CNTN4: variants seen among roughly 807,000 people sequenced by gnomAD.
The protein encoded by CNTN4 is contactin-4.
CNTN4 carries 77 observed loss-of-function variants against 122.5 expected under a neutral mutation model. The observed-to-expected ratio is 0.63, with a 90% CI of 0.52 to 0.76. CNTN4 has a LOEUF of 0.76. Ranked by LOEUF, CNTN4 falls within the 30% of genes least tolerant of loss-of-function variation. CNTN4 has a pLI of 0.00. For synonymous variants in CNTN4, 512 were observed against 447.0 expected, an observed-to-expected ratio of 1.15 and a Z score of -1.83; for missense variants, 1,256 against 1,259.1, an observed-to-expected ratio of 1.00 and a Z score of 0.04.
At chr3:2,508,320 T>C (rs2076791313) in intron 3 of CNTN4, among the ~76,000 whole-genome samples, 1 of 152,218 alleles carries the variant, frequency 6.6e-6, no homozygotes, top group African/African-American at 2.4e-5. Context: ...CACAGTTGTC[T>C]CAGCTTTTGA....
chr3:2,613,248 T>C (rs906247725), intron 4 of CNTN4, among the ~76,000 whole-genome samples: 6 of 152,102 alleles, frequency 3.9e-5, no homozygotes, highest in Non-Finnish European at 8.8e-5. Context: ...CACCTTTTCC[T>C]AAAGTCTCCC....
intron 2 of CNTN4, among the ~76,000 whole-genome samples, chr3:2,311,267 T>C (rs1164550421): frequency 6.6e-6 from 1 of 152,118 alleles, no homozygotes; most frequent in East Asian, 1.9e-4. Flanking sequence ...GAGTTAATGA[T>C]GAATTTTTCC....
At chr3:2,798,628 A>G (rs967039534) in intron 6 of CNTN4, among the ~76,000 whole-genome samples, 2 of 152,014 alleles carry the variant, frequency 1.3e-5, no homozygotes, top group Admixed American at 6.6e-5. Context: ...TCCCACTTCA[A>G]ACTCCCAAGT....
intron 4 of CNTN4, among the ~76,000 whole-genome samples, chr3:2,608,116 A>T (rs1165816476): frequency 1.3e-5 from 2 of 152,214 alleles, no homozygotes; most frequent in African/African-American, 4.8e-5. Context: ...AAATAAATTG[A>T]ATGTAGTGAA....
At chr3:2,437,509 A>C (rs1167632233) in intron 3 of CNTN4, among the ~76,000 whole-genome samples, 1 of 152,186 alleles carries the variant, frequency 6.6e-6, no homozygotes, top group Admixed American at 6.5e-5. Flanking sequence ...CTAAATTCCT[A>C]TATTTTATTC....
At chr3:2,215,471 G>A (rs2038796480) in intron 2 of CNTN4, among the ~76,000 whole-genome samples, 1 of 152,144 alleles carries the variant, frequency 6.6e-6, no homozygotes, top group Non-Finnish European at 1.5e-5. Context: ...TTTCTCTAGG[G>A]CATATTCCCA....
intron 4 of CNTN4, among the ~76,000 whole-genome samples, chr3:2,604,689 T>C (rs1457182637): frequency 1.3e-5 from 2 of 152,166 alleles, no homozygotes; most frequent in Non-Finnish European, 2.9e-5. Flanking sequence ...TATTGAGGTA[T>C]GATTTACATA....
In CNTN4 at chr3:2,599,522, A is replaced by T. The variant is rs2080930499; in HGVS notation, c.55+27964A>T. ...TGAACTATAAAGGTGATGGTGAGTA[A>T]CAAGTCCCATGTGTGATTTTATTGT... is the stretch of plus-strand genomic sequence containing the variant. On this transcript the variant is annotated intron_variant, in intron 4 of 24. Coordinates refer to ENST00000418658, the MANE Select transcript of CNTN4 (RefSeq NM_175607.3). Among the ~76,000 whole-genome samples the T allele has an allele frequency of 7.2e-5, 11 of 152,164 alleles. No individual in the cohort carries two copies. The South Asian group carries it at 2.3e-3, about 32-fold the overall frequency.
At chr3:2,294,303 T>TTTTTTTTTTTTTTTTTTTTTTTG (rs1559423090) in intron 2 of CNTN4, among the ~76,000 whole-genome samples, 1 of 151,712 alleles carries the variant, frequency 6.6e-6, no homozygotes, top group Non-Finnish European at 1.5e-5. Flanking sequence ...TTTTTTTTTT[T>TTTTTTTTTTTTTTTTTTTTTTTG]ACTGAATACC....
chr3:2,732,860 A>G (rs1053863287), intron 4 of CNTN4, among the ~76,000 whole-genome samples: 3 of 152,166 alleles, frequency 2.0e-5, no homozygotes, highest in Non-Finnish European at 2.9e-5. Flanking sequence ...CTCGTGCACA[A>G]AAGCCTGTGG....
chr3:2,471,623 C>A (rs1418455966), intron 3 of CNTN4, among the ~76,000 whole-genome samples: 1 of 152,180 alleles, frequency 6.6e-6, no homozygotes, highest in African/African-American at 2.4e-5. Context: ...TGTAAATCAT[C>A]TGGCTTTGTT....
chr3:2,174,475 CCTT>C (rs1448742033), intron 2 of CNTN4, among the ~76,000 whole-genome samples: 1 of 152,086 alleles, frequency 6.6e-6, no homozygotes, highest in Non-Finnish European at 1.5e-5. Flanking sequence ...TCATAGCCAG[CCTT>C]CTTCTCTCTG....
intron 6 of CNTN4, among the ~76,000 whole-genome samples, chr3:2,781,414 T>C (rs2091562216): frequency 1.3e-5 from 2 of 151,472 alleles, no homozygotes; most frequent in Non-Finnish European, 2.9e-5. Flanking sequence ...GCTAAGGATA[T>C]ATGCGTGAGT....
chr3:2,436,330 C>T (rs955782523), intron 3 of CNTN4, among the ~76,000 whole-genome samples: 1 of 152,016 alleles, frequency 6.6e-6, no homozygotes, highest in Non-Finnish European at 1.5e-5. Flanking sequence ...TTGTAGGCAT[C>T]TCTCACAAGC....
intron 12 of CNTN4, among the ~76,000 whole-genome samples, chr3:2,912,987 A>T (rs1477230963): frequency 6.6e-6 from 1 of 152,164 alleles, no homozygotes; most frequent in African/African-American, 2.4e-5. Flanking sequence ...CCCCATGTCT[A>T]CTAAAAATAC....
At chr3:2,787,148 G>A (rs184235576) in intron 6 of CNTN4, among the ~76,000 whole-genome samples, 148 of 152,206 alleles carry the variant, frequency 9.7e-4, no homozygotes, top group Non-Finnish European at 1.6e-3. Flanking sequence ...AGGCCGAGGC[G>A]GGTGGATCAC....
intron 2 of CNTN4, among the ~76,000 whole-genome samples, chr3:2,273,389 T>G (rs2041377593): frequency 6.6e-6 from 1 of 152,172 alleles, no homozygotes; most frequent in African/African-American, 2.4e-5. Context: ...ACTCAGCTTG[T>G]TTTGCAATGT....
chr3:2,538,638 T>C (rs1405232451), intron 3 of CNTN4, among the ~76,000 whole-genome samples: 7 of 152,038 alleles, frequency 4.6e-5, no homozygotes, highest in Non-Finnish European at 8.8e-5. Context: ...CTATTGATTG[T>C]ACTTGTTAAC....
chr3:2,260,026 A>T (rs1348037504), intron 2 of CNTN4, among the ~76,000 whole-genome samples: 1 of 152,066 alleles, frequency 6.6e-6, no homozygotes, highest in African/African-American at 2.4e-5. Flanking sequence ...GGAATTTTGT[A>T]TTGTTTTATG....
Sources: allele counts gnomAD v4.1 joint callset (sites outside exome capture counted in the v4.1 genomes callset), GRCh38; gene constraint gnomAD v4.1.1; transcripts MANE v1.5; gene names NCBI Gene and HGNC (gene_info 2026-07-23, HGNC 2026-07-21).